The following DSCAML1 variants were observed in gnomAD, a reference collection of about 807,000 sequenced individuals.
DSCAML1 encodes cell adhesion molecule DSCAML1.
A neutral mutation model predicts 200.5 loss-of-function variants in DSCAML1; 38 were observed. The ratio of observed to expected loss-of-function variants is 0.19; its 90% CI spans 0.15 to 0.25. The LOEUF is 0.25. DSCAML1 is among the 10% of genes least tolerant of loss of function. DSCAML1 has a pLI of 1.00. For missense variants in DSCAML1, 2,223 were observed against 2,858.8 expected (o/e 0.78, Z 5.07); for synonymous variants, 1,215 against 1,165.0 (o/e 1.04, Z -0.87).
intron 1 of DSCAML1, among the ~76,000 whole-genome samples, chr11:117,785,670 G>T (rs2055339516): frequency 6.6e-6 from 1 of 152,210 alleles, no homozygotes; most frequent in Admixed American, 6.5e-5. Context: ...TAGTCCTTAT[G>T]TCTAACTTCT....
chr11:117,550,378 C>T (rs1453190281), intron 3 of DSCAML1, among the ~76,000 whole-genome samples: 1 of 152,142 alleles, frequency 6.6e-6, no homozygotes, highest in East Asian at 1.9e-4. Context: ...TGTGTGACTC[C>T]ACATTCCTTC....
intron 3 of DSCAML1, among the ~76,000 whole-genome samples, chr11:117,669,986 T>C (rs529994463): frequency 5.1e-4 from 78 of 152,372 alleles, no homozygotes; most frequent in South Asian, 4.6e-3. Context: ...CCTGTGATTC[T>C]AGATCCTTTT....
At chr11:117,525,255 T>C (rs1310169463) in intron 4 of DSCAML1, among the ~76,000 whole-genome samples, 172 bp from the exon 5 acceptor site, 1 of 152,156 alleles carries the variant, frequency 6.6e-6, no homozygotes. Flanking sequence ...CTGTGTCTTC[T>C]GTGCTCAGGC....
chr11:117,509,250 C>T (rs1038823365), intron 8 of DSCAML1, among the ~76,000 whole-genome samples: 1 of 152,142 alleles, frequency 6.6e-6, no homozygotes, highest in Non-Finnish European at 1.5e-5. Context: ...AAAGGACACA[C>T]ATGCTTTCAA....
chr11:117,624,295 G>A (rs182712298), intron 3 of DSCAML1, among the ~76,000 whole-genome samples: 1 of 152,252 alleles, frequency 6.6e-6, no homozygotes, highest in East Asian at 1.9e-4. Flanking sequence ...GCCTGCAACA[G>A]GAGGTGTTTA....
At chr11:117,662,141 A>AG (rs1210582583) in intron 3 of DSCAML1, among the ~76,000 whole-genome samples, 2 of 152,222 alleles carry the variant, frequency 1.3e-5, no homozygotes, top group African/African-American at 4.8e-5. Context: ...ATCCAGAAAA[A>AG]GGGAAGAGAG....
intron 15 of DSCAML1, among the ~76,000 whole-genome samples, chr11:117,470,413 A>C (rs2048662851): frequency 6.6e-6 from 1 of 152,162 alleles, no homozygotes; most frequent in Non-Finnish European, 1.5e-5. Flanking sequence ...GTCTCTACTA[A>C]AAATACAAAA....
intron 3 of DSCAML1, among the ~76,000 whole-genome samples, chr11:117,643,281 C>T (rs944887777): frequency 3.9e-5 from 6 of 152,130 alleles, no homozygotes; most frequent in Admixed American, 3.9e-4. Flanking sequence ...GGTGTCAGGA[C>T]TGGGATGGAG....
chr11:117,442,882 C>T (rs2048097079), intron 21 of DSCAML1, among the ~76,000 whole-genome samples: 1 of 152,178 alleles, frequency 6.6e-6, no homozygotes, highest in Admixed American at 6.5e-5. Context: ...CAGCCCATGC[C>T]ACTCCTGCCT....
chr11:117,583,499 C>T (rs924658986), intron 3 of DSCAML1, among the ~76,000 whole-genome samples: 1 of 152,212 alleles, frequency 6.6e-6, no homozygotes, highest in Non-Finnish European at 1.5e-5. Context: ...TGCAGCCCCA[C>T]CTCCTTGGGG....
intron 3 of DSCAML1, among the ~76,000 whole-genome samples, chr11:117,769,324 TTATA>T (rs1177213349): frequency 6.4e-5 from 1 of 15,598 alleles, no homozygotes; most frequent in African/African-American, 1.4e-4. Context: ...AATATATATT[TTATA>T]TATATAATAT....
chr11:117,709,660 C>A (rs1188193842), intron 3 of DSCAML1: 2 of 455,270 alleles, frequency 4.4e-6, no homozygotes, highest in African/African-American at 4.0e-5. Context: ...AATCCCACCC[C>A]AACTCCCACC....
intron 3 of DSCAML1, among the ~76,000 whole-genome samples, chr11:117,600,343 G>A (rs760400868): frequency 2.0e-5 from 3 of 152,082 alleles, no homozygotes; most frequent in Non-Finnish European, 2.9e-5. Context: ...TTGCAGGCAC[G>A]TGACCGCCTC....
chr11:117,527,805 TCTC>T (rs1396526617), intron 4 of DSCAML1, among the ~76,000 whole-genome samples: 1 of 152,280 alleles, frequency 6.6e-6, no homozygotes, highest in East Asian at 1.9e-4. Context: ...GGGTGAGAAT[TCTC>T]CTCTCTAGGG....
Position 117,461,578 on chromosome 11 carries a change from T to C in DSCAML1, c.3284A>G (p.Glu1095Gly), listed in dbSNP as rs760913023. The C allele has an allele frequency of 1.2e-6, 2 of 1,613,514 alleles. No individual in the cohort carries two copies. ...TLEDVPSQPP[E>G]NVRALSITSD... ...AGTGATGGACAGGGCCCGGACGTTC[T>C]CAGGGGGCTGGCTGGGCACTGCAGG... The change falls in exon 18 of 33, where the codon GAG becomes GGG. Residue 1095 changes from glutamate to glycine, a missense_variant. Glu to Gly is a moderately conservative substitution (Grantham distance 98). This residue lies in a region of DSCAML1 where 438 missense variants were observed against 629.7 expected (regional missense o/e 0.70). Transcript: ENST00000651296.
chr11:117,682,150 T>C (rs1047834434), intron 3 of DSCAML1, among the ~76,000 whole-genome samples: 30 of 152,270 alleles, frequency 2.0e-4, no homozygotes, highest in African/African-American at 6.5e-4. Flanking sequence ...GTGTACAGGA[T>C]GGCCCAGGAG....
At chr11:117,666,431 ACTTCAGGC>A (rs989841225) in intron 3 of DSCAML1, among the ~76,000 whole-genome samples, 105 of 152,208 alleles carry the variant, frequency 6.9e-4, no homozygotes, top group African/African-American at 2.4e-3. Context: ...TACCCCTAGG[ACTTCAGGC>A]CTTTGTTCTT....
chr11:117,794,636 A>G (rs1027173716), intron 1 of DSCAML1, among the ~76,000 whole-genome samples: 1 of 152,058 alleles, frequency 6.6e-6, no homozygotes. Flanking sequence ...AGGCTCGAAC[A>G]TTCACATTTA....
intron 8 of DSCAML1, among the ~76,000 whole-genome samples, chr11:117,515,777 C>T (rs188304761): frequency 1.9e-4 from 29 of 151,994 alleles, no homozygotes; most frequent in Admixed American, 8.5e-4. Context: ...CCTACCACCA[C>T]GCCCGGCTAA....
Sources: gnomAD v4.1 joint callset for allele counts (sites outside exome capture counted in the v4.1 genomes callset) on GRCh38, gnomAD v4.1.1 for gene constraint, gnomAD v4.1.1 regional missense constraint, MANE v1.5 for transcripts, NCBI Gene and HGNC (gene_info 2026-07-23, HGNC 2026-07-21) for gene names.